The following LIN52 variants were observed in gnomAD, a reference collection of about 807,000 sequenced individuals.
The protein encoded by LIN52 is lin-52 DREAM MuvB core complex component, also known as protein lin-52 homolog.
In LIN52, 4 loss-of-function variants were observed where a neutral mutation model predicts 18.5. The ratio of observed to expected loss-of-function variants is 0.22; its 90% CI spans 0.11 to 0.49. The LOEUF is 0.49. LIN52 is among the 20% of genes least tolerant of loss of function. The probability of loss-of-function intolerance (pLI) is 0.97; values close to 1 mark genes in which losing one functional copy is unlikely to be tolerated. For missense variants in LIN52, 102 were observed against 139.5 expected (o/e 0.73, Z 1.35); for synonymous variants, 34 against 45.5 (o/e 0.75, Z 1.02).
intron 5 of LIN52, among the ~76,000 whole-genome samples, chr14:74,157,796 C>G (rs1465902587): frequency 6.6e-6 from 1 of 152,118 alleles, no homozygotes; most frequent in Admixed American, 6.5e-5. Flanking sequence ...AAAGTGCCTT[C>G]CTGACACTGA....
intron 5 of LIN52, among the ~76,000 whole-genome samples, chr14:74,167,909 C>G (rs2061256152): frequency 6.6e-6 from 1 of 152,128 alleles, no homozygotes; most frequent in South Asian, 2.1e-4. Context: ...GGGCAGTGAT[C>G]TTTGTTACAT....
intron 5 of LIN52, among the ~76,000 whole-genome samples, chr14:74,158,222 C>T (rs2061208971): frequency 6.6e-6 from 1 of 151,326 alleles, no homozygotes; most frequent in Non-Finnish European, 1.5e-5. Flanking sequence ...TCAACTGATT[C>T]TTGTACCTCA....
intron 5 of LIN52, among the ~76,000 whole-genome samples, chr14:74,112,963 T>C (rs994264034): frequency 2.0e-5 from 3 of 152,204 alleles, no homozygotes; most frequent in Admixed American, 1.3e-4. Context: ...CTTCATTTTA[T>C]TTAGTTAAGA....
Position 74,154,873 on chromosome 14 carries a change from T to TA in LIN52, c.284-44048dup, listed in dbSNP as rs1434263675. 2.6e-5 allele frequency among the ~76,000 whole-genome samples: 4 copies of TA among 152,310 alleles called. No homozygotes were observed. The East Asian group carries it at 7.7e-4, about 29-fold the overall frequency. ...TGTTGGTTTTAACTCTGCTAAGAAT[T>TA]ATTGTCTTTTAACTCACTGAGGTCC... On this transcript the variant is annotated intron_variant, in intron 5 of 5. Coordinates refer to ENST00000555028, the MANE Select transcript of LIN52 (RefSeq NM_001024674.3).
intron 5 of LIN52, among the ~76,000 whole-genome samples, chr14:74,131,637 A>G (rs1186483322): frequency 6.6e-6 from 1 of 152,190 alleles, no homozygotes; most frequent in Non-Finnish European, 1.5e-5. Flanking sequence ...TTTTTAATAC[A>G]TGCCGATTTT....
chr14:74,171,697 ATAT>A (rs201818337), intron 5 of LIN52, among the ~76,000 whole-genome samples: 2,081 of 89,924 alleles, frequency 0.023, 45 homozygotes, highest in African/African-American at 0.066. Flanking sequence ...TTTAGATCAA[ATAT>A]TATTTTATGT....
chr14:74,149,128 G>A (rs1288118379), intron 5 of LIN52, among the ~76,000 whole-genome samples: 2 of 152,208 alleles, frequency 1.3e-5, no homozygotes, highest in Non-Finnish European at 2.9e-5. Context: ...AAGCACTGAA[G>A]TAGTTGGTTA....
chr14:74,158,121 A>ATT (rs370452421), intron 5 of LIN52, among the ~76,000 whole-genome samples: 47,620 of 140,658 alleles, frequency 0.34, 8,668 homozygotes, highest in Non-Finnish European at 0.4. Flanking sequence ...ATATATATAT[A>ATT]TATATTTTTT....
chr14:74,183,321 G>T (rs574361218), intron 5 of LIN52, among the ~76,000 whole-genome samples: 1 of 151,948 alleles, frequency 6.6e-6, no homozygotes, highest in Non-Finnish European at 1.5e-5. Context: ...GGATGGTCTC[G>T]ATCTCCTGAC....
chr14:74,115,224 A>T (rs1274721828), intron 5 of LIN52, among the ~76,000 whole-genome samples: 1 of 152,214 alleles, frequency 6.6e-6, no homozygotes, highest in Non-Finnish European at 1.5e-5. Flanking sequence ...ATTATCTTCC[A>T]AAAAGGTACT....
chr14:74,185,607 C>G (rs904416400), intron 5 of LIN52, among the ~76,000 whole-genome samples: 18 of 152,062 alleles, frequency 1.2e-4, no homozygotes, highest in African/African-American at 4.1e-4. Flanking sequence ...GCCACCGCGC[C>G]CAGCCAGTGA....
At chr14:74,143,636 A>T in intron 5 of LIN52, among the ~76,000 whole-genome samples, 1 of 151,978 alleles carries the variant, frequency 6.6e-6, no homozygotes. Context: ...TACAAATTAT[A>T]ATTTTTTCAT....
chr14:74,119,320 G>A (rs552442433), intron 5 of LIN52, among the ~76,000 whole-genome samples: 56 of 151,236 alleles, frequency 3.7e-4, no homozygotes, highest in Non-Finnish European at 3.5e-4. Context: ...CCCCCACCAC[G>A]CCCAGCTAAT....
At chr14:74,182,817 A>G (rs1211636511) in intron 5 of LIN52, among the ~76,000 whole-genome samples, 2 of 152,128 alleles carry the variant, frequency 1.3e-5, no homozygotes, top group Non-Finnish European at 2.9e-5. Context: ...TGTAGAAGCA[A>G]CATGTTAAGC....
chr14:74,189,963 A>C (rs192049562), intron 5 of LIN52, among the ~76,000 whole-genome samples: 2 of 152,310 alleles, frequency 1.3e-5, no homozygotes, highest in Non-Finnish European at 2.9e-5. Context: ...GAAGAAAAAA[A>C]GTTTGATATA....
intron 5 of LIN52, among the ~76,000 whole-genome samples, chr14:74,157,824 G>A (rs192854513): frequency 7.6e-6 from 1 of 132,324 alleles, no homozygotes; most frequent in Non-Finnish European, 1.7e-5. Flanking sequence ...TTTCCGTAGT[G>A]TCATCATTCT....
intron 5 of LIN52, among the ~76,000 whole-genome samples, chr14:74,132,288 C>T (rs913270954): frequency 6.6e-6 from 1 of 152,168 alleles, no homozygotes; most frequent in African/African-American, 2.4e-5. Context: ...CTCTTCGCTT[C>T]ACTCAAATGC....
At chr14:74,186,303 C>G (rs1248081511) in intron 5 of LIN52, among the ~76,000 whole-genome samples, 1 of 151,466 alleles carries the variant, frequency 6.6e-6, no homozygotes, top group African/African-American at 2.4e-5. Context: ...AAAAAACAAA[C>G]AAACAAACAA....
intron 1 of LIN52, among the ~76,000 whole-genome samples, chr14:74,089,947 C>T (rs1161702760): frequency 6.6e-6 from 1 of 151,956 alleles, no homozygotes; most frequent in Non-Finnish European, 1.5e-5. Flanking sequence ...TGGGCTCCAG[C>T]CCCACGGTAG....
Sources: gnomAD v4.1 joint callset for allele counts (sites outside exome capture counted in the v4.1 genomes callset) on GRCh38, gnomAD v4.1.1 for gene constraint, MANE v1.5 for transcripts, NCBI Gene and HGNC (gene_info 2026-07-23, HGNC 2026-07-21) for gene names.